Variants in RARS2 observed in about 807,000 individuals in gnomAD.
RARS2 encodes the protein arginyl-tRNA synthetase 2, mitochondrial.
In RARS2, 67 loss-of-function variants were observed where a neutral mutation model predicts 88.5. The ratio of observed to expected loss-of-function variants is 0.76; its 90% CI spans 0.62 to 0.93. The LOEUF is 0.93. Among genes scored for constraint, RARS2 ranks in the 40% least tolerant of loss-of-function variants. The pLI is 0.00. For synonymous variants in RARS2, 239 were observed against 230.3 expected, an observed-to-expected ratio of 1.04 and a Z score of -0.34; for missense variants, 664 against 684.2, an observed-to-expected ratio of 0.97 and a Z score of 0.33.
intron 4 of RARS2, among the ~76,000 whole-genome samples, chr6:87,562,239 T>C (rs1022839034): frequency 6.6e-6 from 1 of 152,184 alleles, no homozygotes; most frequent in Admixed American, 6.5e-5. Context: ...ACCTAGATGA[T>C]ACAGTCTACT....
intron 5 of RARS2, among the ~76,000 whole-genome samples, chr6:87,551,189 G>T (rs1453499981): frequency 6.6e-6 from 1 of 151,976 alleles, no homozygotes; most frequent in Non-Finnish European, 1.5e-5. Flanking sequence ...TACTGAGAAG[G>T]GAATACAATG....
intron 5 of RARS2, among the ~76,000 whole-genome samples, chr6:87,551,048 A>C (rs1784176273): frequency 6.6e-6 from 1 of 152,000 alleles, no homozygotes; most frequent in East Asian, 1.9e-4. Flanking sequence ...AAAAACAAAA[A>C]CAAAAAAAAA....
In RARS2 at chr6:87,569,564, T is replaced by C. The variant is rs7748563; in HGVS notation, c.63A>G (p.Pro21=). Residue 21 remains proline (P), a synonymous_variant, in exon 2 of 20, where the codon CCA becomes CCG. Transcript: ENST00000369536. ...CQLSRVLNLP[P]ENLITSISAV... ...CAGATATTGATGTGATCAAGTTTTC[T>C]GGTGGAAGATTCAACACTCTGGAAA... The C allele has an allele frequency of 2.2e-3, 3,551 of 1,607,480 alleles. 62 individuals carry two copies. In the African/African-American group the frequency reaches 0.042, roughly 19 times the overall value.
chr6:87,560,933 T>C (rs542892624), intron 4 of RARS2, among the ~76,000 whole-genome samples: 2 of 152,298 alleles, frequency 1.3e-5, no homozygotes, highest in African/African-American at 4.8e-5. Flanking sequence ...CTAAAACTTA[T>C]GGTGTAAACC....
At chr6:87,567,084 T>C (rs897294900) in intron 2 of RARS2, among the ~76,000 whole-genome samples, 3 of 151,882 alleles carry the variant, frequency 2.0e-5, no homozygotes, top group African/African-American at 7.3e-5. Context: ...AAACCCCGTC[T>C]CTACTAAAAA....
At chr6:87,555,099 A>AT (rs1785431275) in intron 5 of RARS2, among the ~76,000 whole-genome samples, 3 of 136,422 alleles carry the variant, frequency 2.2e-5, no homozygotes, top group Admixed American at 8.0e-5. Flanking sequence ...ACTCCGTCTC[A>AT]AAAATAAATA....
intron 10 of RARS2, among the ~76,000 whole-genome samples, chr6:87,524,991 G>GTAT (rs1023108730): frequency 1.3e-5 from 2 of 152,128 alleles, no homozygotes; most frequent in African/African-American, 4.8e-5. Flanking sequence ...CTAATTCATG[G>GTAT]TATTATAACA....
At chr6:87,555,314 T>A in intron 5 of RARS2, 94 bp downstream of exon 5, 2 of 922,514 alleles carry the variant, frequency 2.2e-6, no homozygotes, top group Non-Finnish European at 3.5e-6. Flanking sequence ...GTTTTCCACA[T>A]GTTATTTATT....
At chr6:87,556,821 T>C (rs1224523705) in intron 4 of RARS2, among the ~76,000 whole-genome samples, 3 of 150,168 alleles carry the variant, frequency 2.0e-5, no homozygotes, top group Admixed American at 6.6e-5. Flanking sequence ...TTTTTTTTTT[T>C]CTTTTTAATA....
chr6:87,589,795 G>T, intron 1 of RARS2, 127 bp downstream of exon 1: 1 of 1,602,612 alleles, frequency 6.2e-7, no homozygotes, highest in Non-Finnish European at 8.5e-7. Context: ...GGGGGAGGAG[G>T]TGGTAGAAAC....
intron 1 of RARS2, among the ~76,000 whole-genome samples, chr6:87,578,725 G>A (rs201467747): frequency 3.9e-5 from 6 of 152,030 alleles, no homozygotes; most frequent in Non-Finnish European, 7.4e-5. Flanking sequence ...TTGGGAGGCC[G>A]AGGCAGGCAG....
In RARS2 at chr6:87,518,390, G is replaced by C. The variant is rs547934312; in HGVS notation, c.1416-126C>G. 60 of 1,544,226 alleles carry C rather than the reference G, an allele frequency of 3.9e-5. 1 individual carries two copies. In the Middle Eastern group the frequency reaches 7.2e-4, roughly 19 times the overall value. On this transcript the variant is annotated intron_variant, in intron 16 of 19. Transcript: ENST00000369536. ...GTCTCCTTAATATCCATACACAGTG[G>C]AGGTAACAGTATATTTTTCGACAGG...
At chr6:87,570,347 C>G (rs1020105872) in intron 1 of RARS2, among the ~76,000 whole-genome samples, 3 of 152,194 alleles carry the variant, frequency 2.0e-5, no homozygotes, top group African/African-American at 7.2e-5. Flanking sequence ...ACTGTTAATA[C>G]ATAGCCAAAG....
intron 19 of RARS2, 43 bp from the exon 20 acceptor site, chr6:87,514,542 G>C (rs768066123): frequency 6.8e-7 from 1 of 1,471,664 alleles, no homozygotes; most frequent in South Asian, 1.1e-5. Flanking sequence ...TTCAGTAACA[G>C]GAATGTATTC....
At chr6:87,549,097 G>T (rs1310733013) in intron 5 of RARS2, among the ~76,000 whole-genome samples, 1 of 152,052 alleles carries the variant, frequency 6.6e-6, no homozygotes, top group Non-Finnish European at 1.5e-5. Flanking sequence ...GCTCACTCCT[G>T]TAATCCCAGC....
intron 1 of RARS2, 84 bp downstream of exon 1, chr6:87,589,838 G>T: frequency 6.2e-7 from 1 of 1,613,776 alleles, no homozygotes; most frequent in South Asian, 1.1e-5. Context: ...CCCTCCAGCT[G>T]ACTGAGGACT....
intron 4 of RARS2, among the ~76,000 whole-genome samples, chr6:87,557,849 CA>C (rs1786486843): frequency 6.6e-6 from 1 of 152,154 alleles, no homozygotes; most frequent in Non-Finnish European, 1.5e-5. Flanking sequence ...TTTTATTTTA[CA>C]CTTTTAGGTG....
chr6:87,524,521 T>C, intron 11 of RARS2, 36 bp downstream of exon 11: 1 of 1,480,210 alleles, frequency 6.8e-7, no homozygotes, highest in Middle Eastern at 1.7e-4. Flanking sequence ...GCAACAGATT[T>C]AGAACCAAAT....
At chr6:87,589,305 G>A (rs780730515) in intron 1 of RARS2, among the ~76,000 whole-genome samples, 36 of 152,336 alleles carry the variant, frequency 2.4e-4, no homozygotes, top group Non-Finnish European at 4.0e-4. Flanking sequence ...GAGCCCAGGA[G>A]TTTGAGGCCT....
Sources: gnomAD v4.1 joint callset for allele counts (sites outside exome capture counted in the v4.1 genomes callset) on GRCh38, gnomAD v4.1.1 for gene constraint, MANE v1.5 for transcripts, NCBI Gene and HGNC (gene_info 2026-07-23, HGNC 2026-07-21) for gene names.